Variants in BCAS3 observed in about 807,000 individuals in gnomAD.
BCAS3 encodes BCAS3 microtubule associated cell migration factor.
In BCAS3, 53 loss-of-function variants were observed where a neutral mutation model predicts 116.1. The ratio of observed to expected loss-of-function variants is 0.46; its 90% CI spans 0.37 to 0.57. The LOEUF is 0.57. BCAS3 is among the 20% of genes least tolerant of loss of function. BCAS3 has a pLI of 0.00. For synonymous variants in BCAS3, 391 were observed against 408.2 expected (o/e 0.96, Z 0.51); for missense variants, 917 against 1,165.4 (o/e 0.79, Z 3.10).
At chr17:61,338,781 G>A (rs1473618464) in intron 22 of BCAS3, among the ~76,000 whole-genome samples, 5 of 149,924 alleles carry the variant, frequency 3.3e-5, no homozygotes, top group Non-Finnish European at 7.4e-5. Context: ...CATTTCCTAG[G>A]AAGAATACAT....
chr17:61,294,077 T>G (rs2052676524), intron 22 of BCAS3, among the ~76,000 whole-genome samples: 1 of 152,212 alleles, frequency 6.6e-6, no homozygotes, highest in African/African-American at 2.4e-5. Context: ...CAAAGTAGTT[T>G]GTTGTATCTC....
intron 3 of BCAS3, among the ~76,000 whole-genome samples, chr17:60,687,732 C>A (rs1303840095): frequency 3.3e-5 from 5 of 151,848 alleles, no homozygotes; most frequent in African/African-American, 4.8e-5. Flanking sequence ...AAAAGGAGAT[C>A]ATAAGAGGCA....
chr17:60,988,789 T>G (rs2063341392), intron 14 of BCAS3, among the ~76,000 whole-genome samples: 1 of 152,106 alleles, frequency 6.6e-6, no homozygotes, highest in Admixed American at 6.5e-5. Context: ...CTTTTTTTCT[T>G]AGTTCAGCTA....
rs1322038664 is a variant in BCAS3, at chr17:61,309,935, T to A, written c.2426-58392T>A. On this transcript the variant is annotated intron_variant, in intron 22 of 23. Transcript: ENST00000407086. The surrounding 1 kb of genome is among the most constrained non-coding windows in gnomAD (Gnocchi z 4.6). ...GGAAAATGAAGGGAAACGCTTATGC[T>A]TAAAGCAGTTTTCCTTTGAAAAACT... Among the ~76,000 whole-genome samples, 3 of 152,212 alleles carry A rather than the reference T, an allele frequency of 2.0e-5. No individual in the cohort carries two copies. Among genetic ancestry groups the A allele is most frequent in the African/African-American group, 7.2e-5 (3 of 41,456 alleles).
intron 8 of BCAS3, 33 bp downstream of exon 8, chr17:60,868,716 A>G (rs758620599): frequency 2.6e-5 from 35 of 1,334,346 alleles, no homozygotes; most frequent in Non-Finnish European, 2.1e-5. Context: ...CTTGTGTAAA[A>G]TAAGAAACAT....
intron 22 of BCAS3, among the ~76,000 whole-genome samples, chr17:61,169,187 A>G (rs2078695653): frequency 1.3e-5 from 2 of 152,246 alleles, no homozygotes; most frequent in Non-Finnish European, 2.9e-5. Context: ...TCTTATGTTC[A>G]GACAATACCA....
intron 7 of BCAS3, chr17:60,810,465 C>T (rs550706596): frequency 3.3e-4 from 219 of 655,040 alleles, no homozygotes; most frequent in Non-Finnish European, 4.6e-4. Flanking sequence ...GAGCAAGGAG[C>T]GTGGAGACCG....
chr17:60,756,520 G>T (rs1424698931), intron 6 of BCAS3, among the ~76,000 whole-genome samples: 4 of 152,176 alleles, frequency 2.6e-5, no homozygotes, highest in African/African-American at 9.7e-5. Context: ...GTGAGAACAT[G>T]TGACATCTGA....
Position 61,097,243 on chromosome 17 carries a change from A to G in BCAS3, c.2425+12679A>G, listed in dbSNP as rs556408732. 1.8e-4 allele frequency among the ~76,000 whole-genome samples: 27 copies of G among 152,242 alleles called. No individual in the cohort carries two copies. Among genetic ancestry groups the G allele is most frequent in the African/African-American group, 4.6e-4 (19 of 41,556 alleles). On this transcript the variant is annotated intron_variant, in intron 22 of 23. Transcript: ENST00000407086. This position sits in a 1 kb window ranked among gnomAD's most constrained non-coding sequence, Gnocchi z 4.0. The stretch of plus-strand genomic sequence containing the variant: ...ACCCAGGCTGGAGTGCAGTGGCGCA[A>G]TCTCGGCTCACTGCAAGCTCCACCT...
At chr17:61,195,344 C>A (rs760389354) in intron 22 of BCAS3, among the ~76,000 whole-genome samples, 1 of 152,108 alleles carries the variant, frequency 6.6e-6, no homozygotes, top group South Asian at 2.1e-4. Context: ...CATCTCTCCA[C>A]CAGCCGTACT....
At chr17:61,280,318 G>A (rs966870752) in intron 22 of BCAS3, among the ~76,000 whole-genome samples, 2 of 152,178 alleles carry the variant, frequency 1.3e-5, no homozygotes, top group Non-Finnish European at 2.9e-5. Context: ...AATTATCTTT[G>A]TGATAGATAC....
chr17:61,365,385 G>A lies in BCAS3; in HGVS notation c.2426-2942G>A, dbSNP rs1337471557. On this transcript the variant is annotated intron_variant, in intron 22 of 23. Coordinates refer to ENST00000407086, the MANE Select transcript of BCAS3 (RefSeq NM_017679.5). The surrounding 1 kb of genome is among the most constrained non-coding windows in gnomAD (Gnocchi z 4.6). Reference sequence around the variant, plus strand: ...GTCTCACTCTGTCACCCAGGCTGGAGTGCAGTGGCTCAATCTCGGCTCACT... The same window carrying A: ...GTCTCACTCTGTCACCCAGGCTGGAATGCAGTGGCTCAATCTCGGCTCACT... Among the ~76,000 whole-genome samples, 1 of 152,152 alleles carries A rather than the reference G, an allele frequency of 6.6e-6. No homozygotes were observed. Among genetic ancestry groups the A allele is most frequent in the Non-Finnish European group, 1.5e-5 (1 of 68,032 alleles).
rs79788491 is a variant in BCAS3, at chr17:61,268,232, T to C, written c.2426-100095T>C. On this transcript the variant is annotated intron_variant, in intron 22 of 23. Transcript: ENST00000407086. ...CTCAGACTTGCAAATTAATAAGACATAGACTCTGTGTTTAATGTATATTCC... is the reference window on the plus strand; with the variant it reads ...CTCAGACTTGCAAATTAATAAGACACAGACTCTGTGTTTAATGTATATTCC... 9.1e-3 allele frequency among the ~76,000 whole-genome samples: 1,392 copies of C among 152,310 alleles called. 30 individuals carry two copies. The highest frequency in any genetic ancestry group is 0.032 in the African/African-American group (1,328 of 41,554).
rs2078857966 is a variant in BCAS3, at chr17:61,171,829, C to T, written c.2425+87265C>T. ...TTTTTTTTTTGTAGAAATGGAGTCT[C>T]ACTGTGTTGTTCGGGCTGTTCTTGA... On this transcript the variant is annotated intron_variant, in intron 22 of 23. Transcript: ENST00000407086. This position sits in a 1 kb window ranked among gnomAD's most constrained non-coding sequence, Gnocchi z 4.1. 6.6e-6 allele frequency among the ~76,000 whole-genome samples: 1 copy of T among 150,778 alleles called. No homozygotes were observed. The highest frequency in any genetic ancestry group is 2.4e-5 in the African/African-American group (1 of 40,898).
At chr17:61,055,219 C>T (rs1352284592) in intron 19 of BCAS3, among the ~76,000 whole-genome samples, 1 of 152,214 alleles carries the variant, frequency 6.6e-6, no homozygotes, top group African/African-American at 2.4e-5. Flanking sequence ...GCATCACTTC[C>T]ATCACTACGG....
At chr17:60,976,655 T>C (rs2145375122) in intron 14 of BCAS3, among the ~76,000 whole-genome samples, 1 of 152,226 alleles carries the variant, frequency 6.6e-6, no homozygotes, top group South Asian at 2.1e-4. Context: ...AGGAGTATGC[T>C]GCCTTCAAGC....
At chr17:60,685,923 G>A (rs753144960) in intron 3 of BCAS3, among the ~76,000 whole-genome samples, 18 of 151,418 alleles carry the variant, frequency 1.2e-4, no homozygotes, top group South Asian at 2.1e-4. Flanking sequence ...AGAGTGGAGT[G>A]CAGTGGCATG....
intron 11 of BCAS3, among the ~76,000 whole-genome samples, chr17:60,906,279 T>C (rs1678287923): frequency 6.6e-6 from 1 of 152,202 alleles, no homozygotes; most frequent in African/African-American, 2.4e-5. Flanking sequence ...TAGAAAATAG[T>C]TTTGAGTTTG....
intron 8 of BCAS3, among the ~76,000 whole-genome samples, chr17:60,872,690 C>T (rs1197281171): frequency 6.7e-6 from 1 of 149,602 alleles, no homozygotes; most frequent in African/African-American, 2.5e-5. Context: ...ACACATACAC[C>T]ATATATATCT....
Sources: allele counts gnomAD v4.1 joint callset (sites outside exome capture counted in the v4.1 genomes callset), GRCh38; gene constraint gnomAD v4.1.1; non-coding constraint Gnocchi (gnomAD v3.1); transcripts MANE v1.5; gene names NCBI Gene and HGNC (gene_info 2026-07-23, HGNC 2026-07-21).